The following TENM2 variants were observed in gnomAD, a reference collection of about 807,000 sequenced individuals.
TENM2 encodes the protein teneurin-2.
In TENM2, 52 loss-of-function variants were observed where a neutral mutation model predicts 245.2. The ratio of observed to expected loss-of-function variants is 0.21; its 90% confidence interval spans 0.17 to 0.27. The LOEUF (loss-of-function observed/expected upper bound fraction) is 0.27, where lower values mean the gene tolerates loss of function less well. TENM2 is among the 10% of genes least tolerant of loss of function. TENM2 has a pLI of 1.00. For missense variants in TENM2, 3,046 were observed against 3,666.8 expected, an observed-to-expected ratio of 0.83 and a Z score of 4.37; for synonymous variants, 1,363 against 1,438.9, an observed-to-expected ratio of 0.95 and a Z score of 1.19.
the TENM2 span, among the ~76,000 whole-genome samples, chr5:167,214,704 A>G: frequency 6.6e-6 from 1 of 152,146 alleles, no homozygotes; most frequent in Non-Finnish European, 1.5e-5. Flanking sequence ...TAGATTAGAG[A>G]TTGGCAATAC....
chr5:167,422,347 A>G (rs1284435855), intron 2 of TENM2, among the ~76,000 whole-genome samples: 3 of 152,172 alleles, frequency 2.0e-5, no homozygotes, highest in East Asian at 1.9e-4. Context: ...ATTTTCTCCA[A>G]TCAGCATCCC....
At chr5:167,824,035 T>C (rs1176073182) in intron 2 of TENM2, among the ~76,000 whole-genome samples, 2 of 152,072 alleles carry the variant, frequency 1.3e-5, no homozygotes, top group African/African-American at 4.8e-5. Flanking sequence ...TCCCCTGCCT[T>C]CTCCCCGGGG....
At position 167,417,214 on chromosome 5, in the gene TENM2, C is replaced by T. The variant is rs185364270; in HGVS notation, c.502+41741C>T. Among the ~76,000 whole-genome samples the T allele has an allele frequency of 1.5e-4, 23 of 152,268 alleles. No individual in the cohort carries two copies. In the East Asian group the frequency reaches 4.3e-3, roughly 28 times the overall value. Reference sequence around the variant, plus strand: ...TCTGTGTCCTTCCAGCTCACTAGCACTCTTATCTGGGAGTTATTTTTGACT... The same window carrying T: ...TCTGTGTCCTTCCAGCTCACTAGCATTCTTATCTGGGAGTTATTTTTGACT... On this transcript the variant is annotated intron_variant, in intron 2 of 28. Transcript: ENST00000518659.
chr5:167,740,995 C>T (rs1364070021), intron 2 of TENM2, among the ~76,000 whole-genome samples: 1 of 151,860 alleles, frequency 6.6e-6, no homozygotes, highest in African/African-American at 2.4e-5. Context: ...CGAGCTCATT[C>T]CCATCTGAGA....
At chr5:168,040,454 A>G (rs1581138205) in intron 5 of TENM2, among the ~76,000 whole-genome samples, 1 of 152,114 alleles carries the variant, frequency 6.6e-6, no homozygotes, top group African/African-American at 2.4e-5. Flanking sequence ...CATTCTCGGG[A>G]GATAGGTGCA....
At chr5:167,922,814 C>G (rs553650919) in intron 3 of TENM2, among the ~76,000 whole-genome samples, 1 of 152,184 alleles carries the variant, frequency 6.6e-6, no homozygotes, top group Non-Finnish European at 1.5e-5. Flanking sequence ...AGCAGTCACT[C>G]CCTCCTCTTT....
chr5:167,800,759 C>T (rs1315180103), intron 2 of TENM2, among the ~76,000 whole-genome samples: 1 of 152,122 alleles, frequency 6.6e-6, no homozygotes, highest in Non-Finnish European at 1.5e-5. Context: ...TAAAATAACA[C>T]ACCTACCCTA....
intron 2 of TENM2, among the ~76,000 whole-genome samples, chr5:167,844,083 G>A (rs1283693457): frequency 2.6e-5 from 4 of 152,180 alleles, no homozygotes; most frequent in Non-Finnish European, 5.9e-5. Context: ...AGTTTGCTCA[G>A]TGTCCAGGTG....
At chr5:168,052,896 A>G (rs1310613886) in intron 6 of TENM2, among the ~76,000 whole-genome samples, 2 of 152,194 alleles carry the variant, frequency 1.3e-5, no homozygotes, top group African/African-American at 2.4e-5. Flanking sequence ...GTTTAGAAAC[A>G]TGTTTTTCTA....
chr5:167,394,070 C>T (rs961845333), intron 2 of TENM2, among the ~76,000 whole-genome samples: 13 of 152,074 alleles, frequency 8.5e-5, no homozygotes, highest in African/African-American at 1.2e-4. Flanking sequence ...TCTCTCATTC[C>T]GTAGATTGCA....
At chr5:168,098,043 C>T in exon 9 of TENM2, 1 of 1,612,906 alleles carries the variant, frequency 6.2e-7, no homozygotes, top group Non-Finnish European at 8.5e-7. Flanking sequence ...GCAGGACTGT[C>T]CACGTAACTG....
At chr5:167,863,201 C>T (rs182684868) in intron 2 of TENM2, among the ~76,000 whole-genome samples, 5 of 152,292 alleles carry the variant, frequency 3.3e-5, no homozygotes, top group Admixed American at 1.3e-4. Context: ...CAAACCATGA[C>T]GTGCTAAACA....
chr5:168,060,215 C>T (rs940536465), intron 6 of TENM2, among the ~76,000 whole-genome samples: 1 of 150,730 alleles, frequency 6.6e-6, no homozygotes, highest in Non-Finnish European at 1.5e-5. Flanking sequence ...CATAGTGACA[C>T]CTTGTCTCTA....
chr5:167,823,128 G>A (rs1767672696), intron 2 of TENM2, among the ~76,000 whole-genome samples: 1 of 152,122 alleles, frequency 6.6e-6, no homozygotes, highest in Non-Finnish European at 1.5e-5. Flanking sequence ...GAGATTGATA[G>A]TGCTAGTTTG....
At chr5:167,485,195 A>C (rs747946595) in intron 2 of TENM2, among the ~76,000 whole-genome samples, 4 of 152,162 alleles carry the variant, frequency 2.6e-5, no homozygotes, top group Non-Finnish European at 5.9e-5. Context: ...GTAGATGCAG[A>C]AACCACAGGG....
the TENM2 span, among the ~76,000 whole-genome samples, chr5:167,140,076 AT>A: frequency 1.3e-5 from 2 of 152,204 alleles, no homozygotes. Flanking sequence ...CAAAATTCTA[AT>A]TTGAACACAA....
At chr5:167,373,935 C>T (rs1229477307) in intron 1 of TENM2, among the ~76,000 whole-genome samples, 1 of 152,184 alleles carries the variant, frequency 6.6e-6, no homozygotes, top group Non-Finnish European at 1.5e-5. Context: ...AAAACCTATT[C>T]TCTTTGCTCC....
intron 26 of TENM2, 55 bp from the exon 29 acceptor site, chr5:168,246,702 A>G: frequency 6.5e-7 from 1 of 1,528,910 alleles, no homozygotes; most frequent in Non-Finnish European, 9.0e-7. Flanking sequence ...GTCTGTTTGA[A>G]TGCTTGGTCC....
the TENM2 span, among the ~76,000 whole-genome samples, chr5:167,137,137 C>A: frequency 6.6e-6 from 1 of 152,084 alleles, no homozygotes; most frequent in Non-Finnish European, 1.5e-5. Context: ...AGGGTTCTAC[C>A]AACATGACCT....
Sources: gnomAD v4.1 joint callset for allele counts (sites outside exome capture counted in the v4.1 genomes callset) on GRCh38, gnomAD v4.1.1 for gene constraint, MANE v1.5 for transcripts, NCBI Gene and HGNC (gene_info 2026-07-23, HGNC 2026-07-21) for gene names.